Variants in WDR62 observed in about 807,000 individuals in gnomAD.
WDR62 encodes the protein WD repeat-containing protein 62.
A neutral mutation model predicts 160.6 loss-of-function variants in WDR62; 112 were observed. The observed-to-expected ratio is 0.70, with a 90% confidence interval of 0.60 to 0.82. The LOEUF (loss-of-function observed/expected upper bound fraction) is 0.82, where lower values mean the gene tolerates loss of function less well. Ranked by LOEUF, WDR62 falls within the 40% of genes least tolerant of loss-of-function variation. The pLI is 0.00. For missense variants in WDR62, 1,819 were observed against 1,983.8 expected (o/e 0.92, Z 1.58); for synonymous variants, 792 against 815.1 (o/e 0.97, Z 0.48).
chr19:36,067,786 G>C (rs1489620219), intron 6 of WDR62, 42 bp from the exon 7 acceptor site: 1 of 1,607,770 alleles, frequency 6.2e-7, no homozygotes, highest in East Asian at 2.2e-5. Context: ...GCAGGGCCCA[G>C]CTGTGTGGAC....
chr19:36,067,774 A>G, intron 6 of WDR62, 54 bp from the exon 7 acceptor site: 2 of 1,593,284 alleles, frequency 1.3e-6, no homozygotes, highest in Non-Finnish European at 1.7e-6. Flanking sequence ...TCATCTGGTC[A>G]TGCAGGGCCC....
At position 36,058,902 on chromosome 19, in the gene WDR62, A is replaced by G. The variant is rs746519745; in HGVS notation, c.269+31A>G. The G allele has an allele frequency of 1.7e-5, 26 of 1,572,296 alleles. No homozygotes were observed. In the South Asian group the frequency reaches 2.8e-4, roughly 17 times the overall value. The stretch of plus-strand genomic sequence containing the variant: ...CAGATAAGGGCCTCGACGTCTAATC[A>G]TTGCTAGGGAATTTGGAGCTTGGAA... On this transcript the variant is annotated intron_variant, in intron 2 of 31. Coordinates refer to ENST00000401500, the MANE Select transcript of WDR62 (RefSeq NM_001083961.2).
chr19:36,056,689 G>C (rs1970389096), intron 1 of WDR62, among the ~76,000 whole-genome samples: 1 of 152,208 alleles, frequency 6.6e-6, no homozygotes, highest in African/African-American at 2.4e-5. Flanking sequence ...AATTCAGAGA[G>C]GCGTTATAGC....
intron 7 of WDR62, among the ~76,000 whole-genome samples, chr19:36,068,944 A>ACCCC (rs546007428): frequency 2.8e-5 from 4 of 144,738 alleles, no homozygotes; most frequent in Admixed American, 2.1e-4. Context: ...GGGCAGAGGC[A>ACCCC]CCCCCCATCT....
At chr19:36,094,379 C>G (rs1007476182) in intron 20 of WDR62, among the ~76,000 whole-genome samples, 2 of 151,290 alleles carry the variant, frequency 1.3e-5, no homozygotes, top group African/African-American at 4.9e-5. Flanking sequence ...TATGGTGAAA[C>G]CCCGTCTCAA....
chr19:36,066,084 C>T (rs1321169778), intron 4 of WDR62, 69 bp downstream of exon 4: 7 of 1,595,448 alleles, frequency 4.4e-6, no homozygotes, highest in South Asian at 3.3e-5. Flanking sequence ...CTTCTGCTCC[C>T]GGCAGGCCTG....
In WDR62 at chr19:36,083,206, G is replaced by A. The variant is rs1290116172; in HGVS notation, c.1515G>A (p.Gln505=). 6.2e-7 allele frequency: 1 copy of A among 1,609,140 alleles called. No homozygotes were observed. Among genetic ancestry groups the A allele is most frequent in the African/African-American group, 1.3e-5 (1 of 74,984 alleles). The stretch of plus-strand genomic sequence containing the variant: ...TCATGCAGGTCAGTCCTGACGGCCA[G>A]CATTTGGCTTCAGGCGACCGAAGTG... ...VRVMQVSPDG[Q]HLASGDRSGN... Residue 505 remains glutamine, a synonymous_variant, in exon 11 of 32, where the codon CAG becomes CAA. Coordinates refer to ENST00000401500, the MANE Select transcript of WDR62 (RefSeq NM_001083961.2).
Position 36,086,797 on chromosome 19 carries a change from G to A in WDR62, c.1753G>A (p.Ala585Thr), listed in dbSNP as rs763168502. ...GGATGACCACTCCTCCTCCATCACCGCCATCAAGTTCGCTGGTGAGCCCCT... is the reference window on the plus strand; with the variant it reads ...GGATGACCACTCCTCCTCCATCACCACCATCAAGTTCGCTGGTGAGCCCCT... ...TLDDHSSSIT[A>T]IKFAGNRDIQ... The change falls in exon 13 of 32, where the codon GCC becomes ACC. Residue 585 changes from alanine to threonine, a missense_variant. Ala to Thr is a moderately conservative substitution (Grantham distance 58). Transcript: ENST00000401500. 16 of 1,609,358 alleles carry A rather than the reference G, an allele frequency of 9.9e-6. No homozygotes were observed. Among genetic ancestry groups the A allele is most frequent in the Admixed American group, 5.0e-5 (3 of 59,594 alleles).
chr19:36,101,145 C>A, intron 23 of WDR62, 69 bp from the exon 24 acceptor site: 1 of 1,450,420 alleles, frequency 6.9e-7, no homozygotes. Context: ...CTAGGGGCTC[C>A]GGGTGGGGCT....
chr19:36,101,172 G>A (rs925525293), intron 23 of WDR62, 42 bp from the exon 24 acceptor site: 3 of 1,563,164 alleles, frequency 1.9e-6, no homozygotes, highest in Non-Finnish European at 2.6e-6. Flanking sequence ...TGAGTCTCCA[G>A]CTGAAGTCCT....
chr19:36,065,460 C>A (rs1258534746), intron 3 of WDR62, among the ~76,000 whole-genome samples: 3 of 152,196 alleles, frequency 2.0e-5, no homozygotes, highest in Non-Finnish European at 4.4e-5. Flanking sequence ...CTTGTGCAGG[C>A]TAGCTAGGAG....
chr19:36,086,781 C>T lies in WDR62; in HGVS notation c.1737C>T (p.His579=). The change falls in exon 13 of 32, where the codon CAC becomes CAT. Residue 579 remains histidine, a synonymous_variant. Coordinates refer to ENST00000401500, the MANE Select transcript of WDR62 (RefSeq NM_001083961.2). ...NYNLEQTLDD[H]SSSITAIKFA... ...ACCTGGAGCAGACGCTGGATGACCA[C>T]TCCTCCTCCATCACCGCCATCAAGT... is the stretch of plus-strand genomic sequence containing the variant. The T allele has an allele frequency of 6.2e-7, 1 of 1,609,848 alleles. No individual in the cohort carries two copies. Among genetic ancestry groups the T allele is most frequent in the Admixed American group, 1.7e-5 (1 of 59,644 alleles).
At chr19:36,102,879 C>A (rs761550389) in intron 27 of WDR62, 28 bp downstream of exon 27, 2 of 1,614,154 alleles carry the variant, frequency 1.2e-6, no homozygotes, top group Non-Finnish European at 1.7e-6. Flanking sequence ...ACTGCCCACC[C>A]TCTGGCTCCT....
At position 36,089,108 on chromosome 19, in the gene WDR62, A is replaced by G. The variant is rs772893535; in HGVS notation, c.1836+3A>G. 1.1e-5 allele frequency: 17 copies of G among 1,588,596 alleles called. No homozygotes were observed. The highest frequency in any genetic ancestry group is 1.5e-5 in the Non-Finnish European group (17 of 1,160,202). ...TCTACTTTCGCAGTGCCCAGCAGGT[A>G]GGGTGGCATGGCCTCCTTGGGGGCT... On this transcript the variant is annotated splice_donor_region_variant and intron_variant, in intron 14 of 31. Coordinates refer to ENST00000401500, the MANE Select transcript of WDR62 (RefSeq NM_001083961.2).
In WDR62 at chr19:36,068,089, A is replaced by G. The variant is rs568889325; in HGVS notation, c.882+79A>G. 2.8e-5 allele frequency: 42 copies of G among 1,508,964 alleles called. No homozygotes were observed. The South Asian group carries it at 4.5e-4, about 16-fold the overall frequency. 93.5% of individuals were successfully genotyped at this position (1,508,964 alleles called of 1,614,324 possible). Reference sequence around the variant, plus strand: ...TCTGCAGGGGTGCTCATCAGCATTGACCACACAGGTTCTGCTTATGTGACT... The same window carrying G: ...TCTGCAGGGGTGCTCATCAGCATTGGCCACACAGGTTCTGCTTATGTGACT... On this transcript the variant is annotated intron_variant, in intron 7 of 31. Coordinates refer to ENST00000401500, the MANE Select transcript of WDR62 (RefSeq NM_001083961.2).
Position 36,066,064 on chromosome 19 carries a change from G to A in WDR62, c.390+49G>A, listed in dbSNP as rs1208523494. On this transcript the variant is annotated intron_variant, in intron 4 of 31. Coordinates refer to ENST00000401500, the MANE Select transcript of WDR62 (RefSeq NM_001083961.2). ...GGGAGTCGGGGGCTGGGGGGTCTTG[G>A]AAGCCATTCCTTCTGCTCCCGGCAG... is the stretch of plus-strand genomic sequence containing the variant. 1.9e-6 allele frequency: 3 copies of A among 1,607,030 alleles called. No homozygotes were observed. The African/African-American group carries it at 4.0e-5, about 21-fold the overall frequency.
rs568445442 is a variant in WDR62 at position 36,066,638 on chromosome 19, C to A, written c.561+211C>A. ...GCATTATACATATTTTTATATTGAC[C>A]AGCTGTGACCTTAGGCAAGTGACTT... On this transcript the variant is annotated intron_variant, in intron 5 of 31. Transcript: ENST00000401500. Among the ~76,000 whole-genome samples, 28 of 152,318 alleles carry A rather than the reference C, an allele frequency of 1.8e-4. No homozygotes were observed. The South Asian group carries it at 5.8e-3, about 32-fold the overall frequency.
In WDR62 at chr19:36,054,995, C is replaced by G. The variant is rs540336197; in HGVS notation, c.24C>G (p.Gly8=). 1 of 1,606,560 alleles carries G rather than the reference C, an allele frequency of 6.2e-7. No individual in the cohort carries two copies. The highest frequency in any genetic ancestry group is 1.1e-5 in the South Asian group (1 of 90,316). Reference sequence around the variant, plus strand: ...CGATGGCGGCCGTAGGGTCCGGAGGCTATGCGCGGAACGATGCAGGGGAGA... The same window carrying G: ...CGATGGCGGCCGTAGGGTCCGGAGGGTATGCGCGGAACGATGCAGGGGAGA... MAAVGSG[G]YARNDAGEKL... The change falls in exon 1 of 32, where the codon GGC becomes GGG. Residue 8 remains glycine, a synonymous_variant. Transcript: ENST00000401500.
At chr19:36,095,873 T>C (rs922117557) in intron 20 of WDR62, among the ~76,000 whole-genome samples, 1 of 152,254 alleles carries the variant, frequency 6.6e-6, no homozygotes, top group African/African-American at 2.4e-5. Context: ...GCAAAGTCTC[T>C]CATCTACCTG....
Sources: gnomAD v4.1 joint callset for allele counts (sites outside exome capture counted in the v4.1 genomes callset) on GRCh38, gnomAD v4.1.1 for gene constraint, MANE v1.5 for transcripts, NCBI Gene and HGNC (gene_info 2026-07-23, HGNC 2026-07-21) for gene names.